Variants in TH observed in about 807,000 individuals in gnomAD.
TH encodes the protein tyrosine 3-monooxygenase.
A neutral mutation model predicts 57.4 loss-of-function variants in TH; 49 were observed. The observed-to-expected ratio is 0.85, with a 90% CI of 0.68 to 1.08. TH has a LOEUF of 1.08. Among genes scored for constraint, TH ranks in the 50% least tolerant of loss-of-function variants. TH has a pLI of 0.00. For synonymous variants in TH, 330 were observed against 304.5 expected (o/e 1.08, Z -0.87); for missense variants, 720 against 696.7 (o/e 1.03, Z -0.38).
chr11:2,166,006 G>T lies in TH; in HGVS notation c.1100C>A (p.Ser367Tyr). The T allele has an allele frequency of 6.4e-7, 1 of 1,561,606 alleles. No individual in the cohort carries two copies. The highest frequency in any genetic ancestry group is 1.2e-5 in the South Asian group (1 of 84,730). Residue 367 changes from serine to tyrosine, a missense_variant, in exon 10 of 13, where the codon TCC becomes TAC. By Grantham distance (144) the Ser-to-Tyr change is moderately radical. Coordinates refer to ENST00000352909, the MANE Select transcript of TH (RefSeq NM_000360.4). ...TGCAGGGAGGGGTCAACCCACCGTG[G>T]ACAGCTTCTCAATTTCCTCATCCGA... ...GASDEEIEKL[S>Y]TLYWFTVEFG...
chr11:2,165,320 C>T lies in TH; in HGVS notation c.1246G>A (p.Ala416Thr). The change falls in exon 12 of 13, where the codon GCT (alanine) becomes ACT (threonine). Residue 416 changes from alanine to threonine, a missense_variant. Physicochemically the swap from Ala to Thr is moderately conservative, Grantham distance 58. Coordinates refer to ENST00000352909, the MANE Select transcript of TH (RefSeq NM_000360.4). ...EPEIRAFDPE[A>T]AAVQPYQDQT... ...TCTTGGTAGGGCTGCACGGCCGCAG[C>T]CTCAGGGTCGAAGGCCCGAATCTCA... is the stretch of plus-strand genomic sequence containing the variant. The T allele has an allele frequency of 1.9e-6, 3 of 1,612,554 alleles. No homozygotes were observed. Among genetic ancestry groups the T allele is most frequent in the East Asian group, 2.2e-5 (1 of 44,868 alleles).
At chr11:2,169,089 C>A (rs1846183896) in intron 2 of TH, among the ~76,000 whole-genome samples, 1 of 152,166 alleles carries the variant, frequency 6.6e-6, no homozygotes, top group Non-Finnish European at 1.5e-5. Flanking sequence ...GAAGGGTCCG[C>A]TCCACCCCCA....
chr11:2,167,391 T>TC lies in TH; in HGVS notation c.695+43dup, dbSNP rs756108418. 6.5e-6 allele frequency: 10 copies of TC among 1,547,752 alleles called. No homozygotes were observed. In the South Asian group the frequency reaches 1.1e-4, roughly 17 times the overall value. On this transcript the variant is annotated intron_variant, in intron 6 of 12. Coordinates refer to ENST00000352909, the MANE Select transcript of TH (RefSeq NM_000360.4). Reference sequence around the variant, plus strand: ...TCACACGCCAGGATTCCAGGAGGCATCCCCCGGGCTCCTCCCCAGCCCCTA... The same window carrying TC: ...TCACACGCCAGGATTCCAGGAGGCATCCCCCCGGGCTCCTCCCCAGCCCCTA...
At position 2,167,014 on chromosome 11, in the gene TH, C is replaced by T. The variant is rs747783772; in HGVS notation, c.714G>A (p.Thr238=). ...CGTGCGTGGCGTAGAGGCCCTTCAGCGTGGTGTAGACCTCCTTCCTGCGGG... is the reference window on the plus strand; with the variant it reads ...CGTGCGTGGCGTAGAGGCCCTTCAGTGTGGTGTAGACCTCCTTCCTGCGGG... ...EIATWKEVYT[T]LKGLYATHAC... is the part of the protein sequence containing the mutation. Residue 238 remains threonine, a synonymous_variant, in exon 7 of 13, where the codon ACG becomes ACA. Coordinates refer to ENST00000352909, the MANE Select transcript of TH (RefSeq NM_000360.4). The T allele has an allele frequency of 2.5e-5, 40 of 1,585,246 alleles. No homozygotes were observed. The highest frequency in any genetic ancestry group is 7.1e-5 in the Admixed American group (4 of 56,478).
intron 5 of TH, 67 bp from the exon 6 acceptor site, chr11:2,167,552 G>C: frequency 6.6e-7 from 1 of 1,508,082 alleles, no homozygotes; most frequent in South Asian, 1.2e-5. Flanking sequence ...GAGGGAGGGA[G>C]CTTCACTGGG....
chr11:2,171,648 C>T lies in TH; in HGVS notation c.90+49G>A, dbSNP rs376193736. 334 of 1,596,502 alleles carry T rather than the reference C, an allele frequency of 2.1e-4. No individual in the cohort carries two copies. Among genetic ancestry groups the T allele is most frequent in the Non-Finnish European group, 2.7e-4 (315 of 1,172,348 alleles). ...AGTAGCAGAGGCAGCTGGCACCAGC[C>T]CTGGGCTCCGGTCCACTGCGGCCGC... is the stretch of plus-strand genomic sequence containing the variant. On this transcript the variant is annotated intron_variant, in intron 1 of 12. Coordinates refer to ENST00000352909, the MANE Select transcript of TH (RefSeq NM_000360.4). This position sits in a 1 kb window ranked among gnomAD's most constrained non-coding sequence, Gnocchi z 8.6.
rs1216564686 is a variant in TH at position 2,167,207 on chromosome 11, G to A, written c.696-175C>T. On this transcript the variant is annotated intron_variant, in intron 6 of 12. Transcript: ENST00000352909. ...TTGCTGGTGGCTTTAGGGAATCCCA[G>A]GGGATAGGGGGCCATGAGGGGCGGT... is the stretch of plus-strand genomic sequence containing the variant. 3.8e-6 allele frequency: 4 copies of A among 1,055,984 alleles called. No individual in the cohort carries two copies. In the East Asian group the frequency reaches 1.0e-4, roughly 27 times the overall value. 65.4% of individuals were successfully genotyped at this position (1,055,984 alleles called of 1,614,324 possible).
At chr11:2,167,519 C>T (rs753867336) in intron 5 of TH, 34 bp from the exon 6 acceptor site, 36 of 1,550,524 alleles carry the variant, frequency 2.3e-5, no homozygotes, top group Admixed American at 9.8e-5. Context: ...CAGGTCCCCT[C>T]GGGGAGTGAG....
chr11:2,168,085 A>G lies in TH; in HGVS notation c.576+6T>C, dbSNP rs774136281. ...AGGAGGCCTGAGTGAGGGGCGCACC[A>G]CTCACCGGGTGGTCCAAGTCCAGGT... is the stretch of plus-strand genomic sequence containing the variant. On this transcript the variant is annotated splice_donor_region_variant and intron_variant, in intron 4 of 12. Coordinates refer to ENST00000352909, the MANE Select transcript of TH (RefSeq NM_000360.4). 3 of 1,612,468 alleles carry G rather than the reference A, an allele frequency of 1.9e-6. No homozygotes were observed. The South Asian group carries it at 3.3e-5, about 18-fold the overall frequency.
At chr11:2,164,464 A>G (rs1446860973) in intron 12 of TH, 72 bp from the exon 13 acceptor site, 6 of 1,511,514 alleles carry the variant, frequency 4.0e-6, no homozygotes, top group South Asian at 3.8e-5. Context: ...AGGGGAGGCC[A>G]GGGGCCGCGT....
intron 3 of TH, 124 bp from the exon 4 acceptor site, chr11:2,168,303 G>A: frequency 1.5e-6 from 2 of 1,360,010 alleles, no homozygotes. Flanking sequence ...TGTGAGAGCT[G>A]CGGGGGGATC....
chr11:2,168,816 C>T, intron 2 of TH, 151 bp from the exon 3 acceptor site: 1 of 1,005,138 alleles, frequency 9.9e-7, no homozygotes, highest in South Asian at 1.4e-5. Flanking sequence ...CCCGTTCTTC[C>T]AGGCTCAGGT....
In TH at chr11:2,166,383, G is replaced by A. The variant is rs1353417869; in HGVS notation, c.1047+97C>T. On this transcript the variant is annotated intron_variant, in intron 9 of 12. Transcript: ENST00000352909. ...CCTCCTTGGCGGGGCCCGGGAGCAG[G>A]CAGCACACTTCACCCACCCGCACAT... 5 of 1,446,954 alleles carry A rather than the reference G, an allele frequency of 3.5e-6. No individual in the cohort carries two copies. The Admixed American group carries it at 1.0e-4, about 30-fold the overall frequency. 89.6% of individuals were successfully genotyped at this position (1,446,954 alleles called of 1,614,324 possible). A position where few individuals can be genotyped will look rare whatever the true frequency, so the allele number is the denominator to read the frequency against.
chr11:2,167,725 G>T (rs1564918726), intron 5 of TH, 141 bp downstream of exon 5: 1 of 1,209,144 alleles, frequency 8.3e-7, no homozygotes, highest in Non-Finnish European at 1.2e-6. Flanking sequence ...GACATGGAAA[G>T]CCCTGGAGCA....
At chr11:2,167,968 G>T in intron 4 of TH, 35 bp from the exon 5 acceptor site, 1 of 1,610,408 alleles carries the variant, frequency 6.2e-7, no homozygotes, top group Non-Finnish European at 8.5e-7. Context: ...TCAGGAGGCT[G>T]TGCTGGGGTG....
chr11:2,169,367 G>C (rs912597947), intron 2 of TH, among the ~76,000 whole-genome samples: 2 of 152,138 alleles, frequency 1.3e-5, no homozygotes, highest in African/African-American at 4.8e-5. Context: ...CCCCCACGTG[G>C]GAAATGGTGG....
rs1177819652 is a variant in TH, at chr11:2,168,073, G to A, written c.576+18C>T. ...GTGATCAGGGGCAGGAGGCCTGAGT[G>A]AGGGGCGCACCACTCACCGGGTGGT... On this transcript the variant is annotated intron_variant, in intron 4 of 12. Coordinates refer to ENST00000352909, the MANE Select transcript of TH (RefSeq NM_000360.4). The A allele has an allele frequency of 6.2e-7, 1 of 1,613,122 alleles. No homozygotes were observed. The highest frequency in any genetic ancestry group is 2.2e-5 in the East Asian group (1 of 44,872).
In TH at chr11:2,171,399, G is replaced by A. The variant is rs563089872; in HGVS notation, c.90+298C>T. On this transcript the variant is annotated intron_variant, in intron 1 of 12. Transcript: ENST00000352909. This position sits in a 1 kb window ranked among gnomAD's most constrained non-coding sequence, Gnocchi z 8.6. ...TTGGATGGATTTGTTTCCACATTCC[G>A]ATCGTTAAGATTCAAGATGAAACAA... Among the ~76,000 whole-genome samples, 14 of 151,918 alleles carry A rather than the reference G, an allele frequency of 9.2e-5. No individual in the cohort carries two copies. In the South Asian group the frequency reaches 2.1e-3, roughly 23 times the overall value.
chr11:2,164,349 C>G lies in TH; in HGVS notation c.1378G>C (p.Asp460His). 1.9e-6 allele frequency: 3 copies of G among 1,548,318 alleles called. No individual in the cohort carries two copies. Among genetic ancestry groups the G allele is most frequent in the Non-Finnish European group, 2.6e-6 (3 of 1,144,134 alleles). Residue 460 changes from aspartate to histidine, a missense_variant, in exon 13 of 13, where the codon GAC becomes CAC. Asp to His is a moderately conservative substitution (Grantham distance 81, BLOSUM62 -1). Transcript: ENST00000352909. ...RIQRPFSVKF[D>H]PYTLAIDVLD... ...ACGTCGATGGCCAGCGTGTACGGGT[C>G]GAACTTCACGGAGAAGGGGCGCTGG...
Sources: gnomAD v4.1 joint callset for allele counts (sites outside exome capture counted in the v4.1 genomes callset) on GRCh38, gnomAD v4.1.1 for gene constraint, Gnocchi (gnomAD v3.1) non-coding constraint, MANE v1.5 for transcripts, NCBI Gene and HGNC (gene_info 2026-07-23, HGNC 2026-07-21) for gene names.